The following SAMD12 variants were observed in gnomAD, a reference collection of about 807,000 sequenced individuals.
SAMD12 encodes the protein sterile alpha motif domain containing 12, also known as sterile alpha motif domain-containing protein 12.
Under a neutral mutation model 15.0 loss-of-function variants are expected in SAMD12, and 9 were observed. That is an observed-to-expected ratio of 0.60 (90% CI 0.36 to 1.05). SAMD12 has a LOEUF of 1.05. Ranked by LOEUF, SAMD12 falls within the 50% of genes least tolerant of loss-of-function variation. SAMD12 has a pLI of 0.01. For missense variants in SAMD12, 230 were observed against 234.2 expected (o/e 0.98, Z 0.12); for synonymous variants, 86 against 90.1 (o/e 0.96, Z 0.25).
chr8:118,375,722 C>A (rs1473492697), downstream of SAMD12: 1 of 151,940 alleles, frequency 6.6e-6, no homozygotes, highest in Non-Finnish European at 1.5e-5. Context: ...AATTTTATTC[C>A]TTTAAATAGT....
chr8:118,469,583 G>A (rs1306069218), intron 2 of SAMD12, among the ~76,000 whole-genome samples: 1 of 56,928 alleles, frequency 1.8e-5, no homozygotes, highest in African/African-American at 9.0e-5. Context: ...TTTTTTTTGA[G>A]GCAGAGTCTC....
intron 4 of SAMD12, among the ~76,000 whole-genome samples, chr8:118,206,889 G>A (rs2129798424): frequency 6.6e-6 from 1 of 152,338 alleles, no homozygotes; most frequent in Admixed American, 6.5e-5. Context: ...CTTCAGGCAA[G>A]AAGTATGTCT....
At chr8:118,502,593 G>A (rs760414323) in intron 2 of SAMD12, among the ~76,000 whole-genome samples, 5 of 152,156 alleles carry the variant, frequency 3.3e-5, no homozygotes, top group Non-Finnish European at 5.9e-5. Context: ...TACAAACCTG[G>A]AATATATTGA....
chr8:118,239,320 G>T (rs1812514912), intron 4 of SAMD12, among the ~76,000 whole-genome samples: 3 of 152,072 alleles, frequency 2.0e-5, no homozygotes, highest in South Asian at 4.1e-4. Context: ...CAAGGTTCCT[G>T]TTCTCATGGA....
rs138485310 is a variant in SAMD12 at position 118,283,474 on chromosome 8, G to A, written c.434-85742C>T. On this transcript the variant is annotated intron_variant, in intron 4 of 4. Transcript: ENST00000409003. ...TTGCTGCCATGCCCAAGAGAGACAC[G>A]ACTAATCCATCACAGCATTCTTCCC... 9.9e-4 allele frequency among the ~76,000 whole-genome samples: 150 copies of A among 152,226 alleles called. 1 individual carries two copies. Among genetic ancestry groups the A allele is most frequent in the African/African-American group, 1.5e-3 (64 of 41,534 alleles).
intron 2 of SAMD12, among the ~76,000 whole-genome samples, chr8:118,459,953 C>T (rs1000692641): frequency 1.3e-5 from 2 of 152,128 alleles, no homozygotes; most frequent in Non-Finnish European, 2.9e-5. Flanking sequence ...GCAATAAAAC[C>T]GGGTGATGAG....
At chr8:118,197,756 T>TA (rs1339841725) in intron 4 of SAMD12, 1 of 1,608,800 alleles carries the variant, frequency 6.2e-7, no homozygotes, top group Non-Finnish European at 8.5e-7. Flanking sequence ...AAGGGGGAAA[T>TA]ATGGTAAGTT....
At chr8:118,288,637 T>C (rs770393835) in intron 4 of SAMD12, among the ~76,000 whole-genome samples, 7 of 152,214 alleles carry the variant, frequency 4.6e-5, no homozygotes, top group Non-Finnish European at 8.8e-5. Context: ...TATATAATTA[T>C]ACAAGAACAG....
chr8:118,287,264 A>G (rs1431264754), intron 4 of SAMD12, among the ~76,000 whole-genome samples: 1 of 150,488 alleles, frequency 6.6e-6, no homozygotes, highest in Non-Finnish European at 1.5e-5. Flanking sequence ...AGCTGGGACT[A>G]CAGGCGCCCA....
chr8:118,613,041 G>A (rs1183149424), intron 1 of SAMD12, among the ~76,000 whole-genome samples: 3 of 152,194 alleles, frequency 2.0e-5, no homozygotes, highest in Non-Finnish European at 4.4e-5. Flanking sequence ...GTTGTCAGGG[G>A]CTGTGGGTAG....
chr8:118,576,414 C>G (rs1371619542), intron 2 of SAMD12, among the ~76,000 whole-genome samples: 1 of 152,206 alleles, frequency 6.6e-6, no homozygotes, highest in East Asian at 1.9e-4. Flanking sequence ...GACTCGATTT[C>G]TGCCACACAA....
intron 2 of SAMD12, among the ~76,000 whole-genome samples, chr8:118,531,887 AC>A (rs1825696780): frequency 6.6e-6 from 1 of 152,184 alleles, no homozygotes; most frequent in African/African-American, 2.4e-5. Flanking sequence ...GGACAATTCG[AC>A]TTCCTCTTTT....
intron 2 of SAMD12, among the ~76,000 whole-genome samples, chr8:118,560,450 A>C (rs1826671095): frequency 6.6e-6 from 1 of 152,222 alleles, no homozygotes; most frequent in Non-Finnish European, 1.5e-5. Flanking sequence ...ATTTGGATTT[A>C]CTAAGAGTCA....
At chr8:118,309,602 A>G (rs1330153030) in intron 4 of SAMD12, among the ~76,000 whole-genome samples, 1 of 152,130 alleles carries the variant, frequency 6.6e-6, no homozygotes, top group Non-Finnish European at 1.5e-5. Flanking sequence ...TGCTTTTAGT[A>G]CTTAAAGGAT....
At chr8:118,562,401 G>C (rs1304737948) in intron 2 of SAMD12, among the ~76,000 whole-genome samples, 1 of 151,904 alleles carries the variant, frequency 6.6e-6, no homozygotes, top group Non-Finnish European at 1.5e-5. Context: ...CTCTGTTTGA[G>C]AAATAAAGAA....
intron 4 of SAMD12, among the ~76,000 whole-genome samples, chr8:118,342,287 T>C (rs2630099): frequency 1 from 150,308 of 150,340 alleles, 75,138 homozygotes; most frequent in Middle Eastern, 1. Flanking sequence ...GAGCAAGACT[T>C]TGTCTCAAAA....
chr8:118,505,829 A>G (rs2131052188), intron 2 of SAMD12, among the ~76,000 whole-genome samples: 1 of 152,244 alleles, frequency 6.6e-6, no homozygotes, highest in South Asian at 2.1e-4. Flanking sequence ...TCTCCACATC[A>G]GGATTTGTGG....
intron 2 of SAMD12, among the ~76,000 whole-genome samples, chr8:118,519,022 T>C (rs867500559): frequency 6.6e-6 from 1 of 152,152 alleles, no homozygotes; most frequent in Admixed American, 6.5e-5. Context: ...GTCATGGAAA[T>C]GCACTTAAGT....
the SAMD12 span, among the ~76,000 whole-genome samples, chr8:118,142,852 G>C: frequency 1.3e-5 from 2 of 152,176 alleles, no homozygotes; most frequent in African/African-American, 4.8e-5. Context: ...ATGGCGGTGA[G>C]GAAGAAGAGT....
Sources: gnomAD v4.1 joint callset for allele counts (sites outside exome capture counted in the v4.1 genomes callset) on GRCh38, gnomAD v4.1.1 for gene constraint, MANE v1.5 for transcripts, NCBI Gene and HGNC (gene_info 2026-07-23, HGNC 2026-07-21) for gene names.